CADM1: variants seen among roughly 807,000 people sequenced by gnomAD.
CADM1 encodes TSLC-1.
A neutral mutation model predicts 53.1 loss-of-function variants in CADM1; 15 were observed. That is an observed-to-expected ratio of 0.28 (90% confidence interval 0.19 to 0.44). The LOEUF (loss-of-function observed/expected upper bound fraction) is 0.44. Ranked by LOEUF, CADM1 falls within the 20% of genes least tolerant of loss-of-function variation. CADM1 has a pLI of 1.00. For synonymous variants in CADM1, 281 were observed against 243.0 expected (o/e 1.16, Z -1.45); for missense variants, 434 against 611.3 (o/e 0.71, Z 3.06).
intron 10 of CADM1, among the ~76,000 whole-genome samples, chr11:115,183,166 G>C (rs1296012119): frequency 6.6e-6 from 1 of 152,202 alleles, no homozygotes; most frequent in Non-Finnish European, 1.5e-5. Flanking sequence ...AAAGGTGACT[G>C]CTAGTGGAAC....
intron 1 of CADM1, among the ~76,000 whole-genome samples, chr11:115,347,204 C>T (rs1365939864): frequency 6.6e-6 from 1 of 152,114 alleles, no homozygotes; most frequent in Non-Finnish European, 1.5e-5. Flanking sequence ...AGCAGGCTTC[C>T]TGCGCCAAAG....
chr11:115,278,886 A>T (rs968687460), intron 1 of CADM1, among the ~76,000 whole-genome samples: 3 of 152,176 alleles, frequency 2.0e-5, no homozygotes, highest in Non-Finnish European at 4.4e-5. Context: ...GAGAGGATGG[A>T]GGGAATAAAG....
chr11:115,275,126 T>A (rs1262382052), intron 1 of CADM1, among the ~76,000 whole-genome samples: 1 of 152,198 alleles, frequency 6.6e-6, no homozygotes, highest in African/African-American at 2.4e-5. Flanking sequence ...ATTGCGCCAC[T>A]GCCCAGAATC....
chr11:115,313,423 C>T (rs1016735153), intron 1 of CADM1, among the ~76,000 whole-genome samples: 2 of 152,132 alleles, frequency 1.3e-5, no homozygotes, highest in African/African-American at 2.4e-5. Context: ...AAGCTGAATG[C>T]TCTGCCAGTT....
At chr11:115,215,441 C>T (rs1434772758) in intron 6 of CADM1, among the ~76,000 whole-genome samples, 1 of 152,132 alleles carries the variant, frequency 6.6e-6, no homozygotes, top group Non-Finnish European at 1.5e-5. Flanking sequence ...TGGCAAATTG[C>T]CTTCTTTACT....
chr11:115,317,297 C>G (rs775281595), intron 1 of CADM1, among the ~76,000 whole-genome samples: 3 of 152,104 alleles, frequency 2.0e-5, no homozygotes, highest in Non-Finnish European at 2.9e-5. Flanking sequence ...TACACAACAC[C>G]TGGAGATGAA....
Position 115,272,672 on chromosome 11 carries a change from C to T in CADM1, c.125-32252G>A, listed in dbSNP as rs962557150. On this transcript the variant is annotated intron_variant, in intron 1 of 11. Coordinates refer to ENST00000331581, the MANE Select transcript of CADM1 (RefSeq NM_001301043.2). ...AAATAAGATTATTTCTACGATGAAA[C>T]ACTTGAGAAGAGACCTATTTCGATC... 6.0e-4 allele frequency among the ~76,000 whole-genome samples: 86 copies of T among 143,646 alleles called. 1 individual carries two copies. Among genetic ancestry groups the T allele is most frequent in the African/African-American group, 2.2e-3 (85 of 38,310 alleles). The allele number at this position is 143,646 out of a possible 152,430, so 94.2% of individuals were successfully genotyped here.
intron 1 of CADM1, among the ~76,000 whole-genome samples, chr11:115,258,043 A>G (rs1387617220): frequency 6.6e-6 from 1 of 152,206 alleles, no homozygotes; most frequent in Non-Finnish European, 1.5e-5. Flanking sequence ...TATTTTATAG[A>G]TGAGGAAACT....
intron 9 of CADM1, among the ~76,000 whole-genome samples, chr11:115,197,156 C>T (rs1406695420): frequency 6.6e-6 from 1 of 152,192 alleles, no homozygotes; most frequent in Non-Finnish European, 1.5e-5. Context: ...ATAGGAAAGT[C>T]AAAAGATGGG....
chr11:115,241,785 C>T (rs1034144028), intron 1 of CADM1, among the ~76,000 whole-genome samples: 1 of 152,078 alleles, frequency 6.6e-6, no homozygotes, highest in Non-Finnish European at 1.5e-5. Context: ...AAGGACCTCC[C>T]TATGCAGCTG....
At chr11:115,273,299 T>C (rs1943354072) in intron 1 of CADM1, among the ~76,000 whole-genome samples, 1 of 152,258 alleles carries the variant, frequency 6.6e-6, no homozygotes, top group South Asian at 2.1e-4. Context: ...AGAATGTCTA[T>C]ACTACAGTGG....
chr11:115,357,026 A>G (rs1426187414), intron 1 of CADM1, among the ~76,000 whole-genome samples: 7 of 152,210 alleles, frequency 4.6e-5, no homozygotes, highest in Non-Finnish European at 8.8e-5. Flanking sequence ...TACAAAAATC[A>G]ACTGTCTTTT....
chr11:115,353,706 C>G (rs1430402730), intron 1 of CADM1, among the ~76,000 whole-genome samples: 1 of 152,158 alleles, frequency 6.6e-6, no homozygotes, highest in African/African-American at 2.4e-5. Flanking sequence ...TTTATCAGAG[C>G]TCTGACCTGG....
intron 1 of CADM1, among the ~76,000 whole-genome samples, chr11:115,485,105 G>A (rs1949345135): frequency 6.6e-6 from 1 of 152,032 alleles, no homozygotes; most frequent in African/African-American, 2.4e-5. Flanking sequence ...ACTCACCTTC[G>A]ATGATTCTTC....
intron 1 of CADM1, among the ~76,000 whole-genome samples, chr11:115,261,034 G>C (rs1942959061): frequency 6.6e-6 from 1 of 152,034 alleles, no homozygotes; most frequent in Non-Finnish European, 1.5e-5. Context: ...TTGCAATGTA[G>C]AGTCTACCCA....
At position 115,172,621 on chromosome 11, in the gene CADM1, G is replaced by GTGATGTAACTGA. The variant is rs1938829434; in HGVS notation, c.*3841_*3852dup. On this transcript the variant is annotated 3_prime_UTR_variant, in exon 12 of 12. Coordinates refer to ENST00000331581, the MANE Select transcript of CADM1 (RefSeq NM_001301043.2). ...GCTCAGGGTCACTTCAAGTTTTCAG[G>GTGATGTAACTGA]TGATGTAACTGATGCTCTACTTGGC... The GTGATGTAACTGA allele has an allele frequency of 6.6e-6, 1 of 152,128 alleles. No homozygotes were observed. Among genetic ancestry groups the GTGATGTAACTGA allele is most frequent in the Admixed American group, 6.6e-5 (1 of 15,256 alleles). The allele number at this position is 152,128 out of a possible 1,614,324, so 9.4% of individuals were successfully genotyped here.
At chr11:115,470,003 T>C (rs1230835732) in intron 1 of CADM1, among the ~76,000 whole-genome samples, 1 of 152,216 alleles carries the variant, frequency 6.6e-6, no homozygotes, top group Non-Finnish European at 1.5e-5. Flanking sequence ...TCTGCTTCCA[T>C]GACCTTGGTC....
intron 1 of CADM1, among the ~76,000 whole-genome samples, chr11:115,331,771 A>C (rs1945135233): frequency 6.6e-6 from 1 of 152,204 alleles, no homozygotes. Flanking sequence ...AATAGAAATA[A>C]AGGTATGAAG....
chr11:115,393,331 A>G (rs937692922), intron 1 of CADM1, among the ~76,000 whole-genome samples: 16 of 151,712 alleles, frequency 1.1e-4, no homozygotes, highest in African/African-American at 3.6e-4. Flanking sequence ...TTTATCCTCT[A>G]AACTATACTT....
Sources: gnomAD v4.1 joint callset for allele counts (sites outside exome capture counted in the v4.1 genomes callset) on GRCh38, gnomAD v4.1.1 for gene constraint, MANE v1.5 for transcripts, NCBI Gene and HGNC (gene_info 2026-07-23, HGNC 2026-07-21) for gene names.